The following GRM8 variants were observed in gnomAD, a reference collection of about 807,000 sequenced individuals.
GRM8 encodes metabotropic glutamate receptor 8.
Under a neutral mutation model 87.2 loss-of-function variants are expected in GRM8, and 47 were observed. The observed-to-expected ratio is 0.54, with a 90% confidence interval of 0.43 to 0.69. The LOEUF is 0.69. Ranked by LOEUF, GRM8 falls within the 30% of genes least tolerant of loss-of-function variation. The probability of loss-of-function intolerance (pLI) is 0.00; values close to 1 mark genes in which losing one functional copy is unlikely to be tolerated. For missense variants in GRM8, 1,019 were observed against 1,139.2 expected (o/e 0.89, Z 1.52); for synonymous variants, 396 against 404.5 (o/e 0.98, Z 0.25).
intron 6 of GRM8, among the ~76,000 whole-genome samples, chr7:126,780,961 G>A (rs1446609189): frequency 1.3e-5 from 2 of 152,190 alleles, no homozygotes; most frequent in African/African-American, 4.8e-5. Context: ...CTAAGGTGGT[G>A]ATGAAAGTGA....
At chr7:127,015,052 GAAGAAGAAGAAGAAGA>G (rs1168158808) in intron 3 of GRM8, among the ~76,000 whole-genome samples, 22 of 119,040 alleles carry the variant, frequency 1.8e-4, no homozygotes, top group African/African-American at 6.2e-4. Flanking sequence ...AGAAGAAGAA[GAAGAAGAAGAAGAAGA>G]AAGAAAGAAG....
chr7:127,197,053 G>A (rs981430062), intron 2 of GRM8, among the ~76,000 whole-genome samples: 1 of 152,094 alleles, frequency 6.6e-6, no homozygotes, highest in African/African-American at 2.4e-5. Flanking sequence ...TGGTACAAAC[G>A]CTCTAACTAT....
At chr7:126,806,935 G>T (rs567205125) in intron 6 of GRM8, among the ~76,000 whole-genome samples, 21 of 152,308 alleles carry the variant, frequency 1.4e-4, no homozygotes, top group Non-Finnish European at 2.8e-4. Flanking sequence ...GCCAGCCCCA[G>T]AGAGGGGCCC....
intron 8 of GRM8, among the ~76,000 whole-genome samples, chr7:126,587,590 A>G (rs2151030856): frequency 6.6e-6 from 1 of 151,532 alleles, no homozygotes; most frequent in Non-Finnish European, 1.5e-5. Context: ...AAAAAACCAA[A>G]CACCGCATAT....
intron 3 of GRM8, among the ~76,000 whole-genome samples, chr7:126,965,527 G>A (rs1315731237): frequency 6.6e-6 from 1 of 151,904 alleles, no homozygotes; most frequent in African/African-American, 2.4e-5. Flanking sequence ...TTTTAAAAAG[G>A]TTAAAAGTTT....
chr7:126,789,463 A>G (rs6951643), intron 6 of GRM8, among the ~76,000 whole-genome samples: 72,030 of 151,990 alleles, frequency 0.47, 17,687 homozygotes, highest in African/African-American at 0.56. Context: ...CAGGGACTCC[A>G]CAATTCTTAG....
intron 8 of GRM8, among the ~76,000 whole-genome samples, chr7:126,544,120 T>C (rs1324498980): frequency 6.6e-6 from 1 of 152,204 alleles, no homozygotes; most frequent in Non-Finnish European, 1.5e-5. Flanking sequence ...TGGCATTATA[T>C]GGTGATTATC....
chr7:126,630,753 C>CA (rs1222331929), intron 7 of GRM8, among the ~76,000 whole-genome samples: 1 of 152,046 alleles, frequency 6.6e-6, no homozygotes, highest in Non-Finnish European at 1.5e-5. Flanking sequence ...TGTGATTCAT[C>CA]ATGTACACAG....
chr7:126,907,275 G>A (rs201118293), intron 3 of GRM8, among the ~76,000 whole-genome samples: 19 of 119,064 alleles, frequency 1.6e-4, no homozygotes, highest in Non-Finnish European at 2.3e-4. Context: ...AGGAGGAGGA[G>A]GAAGAAGAAA....
intron 3 of GRM8, among the ~76,000 whole-genome samples, chr7:127,060,802 T>G (rs1450194525): frequency 8.4e-6 from 1 of 118,360 alleles, no homozygotes; most frequent in African/African-American, 3.6e-5. Context: ...AAGCAACAGA[T>G]GCATGTAGCA....
chr7:126,528,361 T>C (rs1317029354), intron 9 of GRM8, among the ~76,000 whole-genome samples: 1 of 152,186 alleles, frequency 6.6e-6, no homozygotes, highest in Non-Finnish European at 1.5e-5. Context: ...ATATATTCAG[T>C]CATTAAACAA....
chr7:127,049,889 A>G (rs1819301667), intron 3 of GRM8, among the ~76,000 whole-genome samples: 2 of 152,092 alleles, frequency 1.3e-5, no homozygotes, highest in Non-Finnish European at 2.9e-5. Context: ...ATAGAGGAGA[A>G]TCCAATGCCT....
intron 6 of GRM8, among the ~76,000 whole-genome samples, chr7:126,797,761 T>C (rs994966751): frequency 2.0e-5 from 3 of 152,100 alleles, no homozygotes; most frequent in African/African-American, 7.2e-5. Flanking sequence ...TGAAATACTA[T>C]TCTAAAATCT....
rs1562929293 is a variant in GRM8, at chr7:126,533,223, T to C, written c.2159A>G (p.His720Arg). The C allele has an allele frequency of 4.3e-6, 7 of 1,612,850 alleles. No individual in the cohort carries two copies. Among genetic ancestry groups the C allele is most frequent in the Non-Finnish European group, 5.9e-6 (7 of 1,179,724 alleles). Residue 720 changes from histidine (H) to arginine (R), a missense_variant, in exon 9 of 11, where the codon CAC becomes CGC. Coordinates refer to ENST00000339582, the MANE Select transcript of GRM8 (RefSeq NM_000845.3). ...CTGCTCTCCATAGTCAATGATGATGTGGGGGGGATCCACAACAAACCAGAC... is the reference window on the plus strand; with the variant it reads ...CTGCTCTCCATAGTCAATGATGATGCGGGGGGGATCCACAACAAACCAGAC... ...VFVWFVVDPP[H>R]IIIDYGEQRT...
chr7:126,478,770 C>A (rs1173063092), intron 9 of GRM8, among the ~76,000 whole-genome samples: 2 of 151,978 alleles, frequency 1.3e-5, no homozygotes, highest in African/African-American at 4.8e-5. Context: ...AGGTCGAACA[C>A]TAAATGGCTG....
chr7:126,819,205 C>A (rs1794066938), intron 6 of GRM8, among the ~76,000 whole-genome samples: 1 of 151,742 alleles, frequency 6.6e-6, no homozygotes, highest in Non-Finnish European at 1.5e-5. Context: ...TTAGTTTCAC[C>A]ATAGTTTATC....
At chr7:126,590,462 C>T (rs113495668) in intron 8 of GRM8, among the ~76,000 whole-genome samples, 1,800 of 152,094 alleles carry the variant, frequency 0.012, 33 homozygotes, top group African/African-American at 0.041. Flanking sequence ...GGAGAATAAT[C>T]GAGGAAAACT....
intron 2 of GRM8, among the ~76,000 whole-genome samples, chr7:127,123,375 T>C (rs903171964): frequency 3.3e-5 from 5 of 152,142 alleles, no homozygotes; most frequent in African/African-American, 1.2e-4. Context: ...AATACGCTAA[T>C]GCCCTTACAA....
chr7:126,838,914 T>G (rs1426274607), intron 6 of GRM8, among the ~76,000 whole-genome samples: 1 of 152,194 alleles, frequency 6.6e-6, no homozygotes, highest in Non-Finnish European at 1.5e-5. Context: ...GTGTACGCTT[T>G]GCCCATCGGG....
Sources: gnomAD v4.1 joint callset for allele counts (sites outside exome capture counted in the v4.1 genomes callset) on GRCh38, gnomAD v4.1.1 for gene constraint, MANE v1.5 for transcripts, NCBI Gene and HGNC (gene_info 2026-07-23, HGNC 2026-07-21) for gene names.